ADAM9: variants seen among roughly 807,000 people sequenced by gnomAD.
ADAM9 encodes ADAM metallopeptidase domain 9.
A neutral mutation model predicts 108.1 loss-of-function variants in ADAM9; 54 were observed. The observed-to-expected ratio is 0.50, with a 90% CI of 0.40 to 0.63. The LOEUF (loss-of-function observed/expected upper bound fraction) is 0.63, where lower values mean the gene tolerates loss of function less well. Among genes scored for constraint, ADAM9 ranks in the 20% least tolerant of loss-of-function variants. ADAM9 has a pLI of 0.00. For synonymous variants in ADAM9, 316 were observed against 336.0 expected (o/e 0.94, Z 0.65); for missense variants, 830 against 997.7 (o/e 0.83, Z 2.26).
At chr8:39,052,324 T>C (rs998598251) in intron 12 of ADAM9, among the ~76,000 whole-genome samples, 5 of 152,154 alleles carry the variant, frequency 3.3e-5, no homozygotes, top group Non-Finnish European at 7.4e-5. Flanking sequence ...TTAAATCTTC[T>C]TTTAAATTGA....
chr8:39,079,674 T>TCCCA (rs1838959358), intron 16 of ADAM9, among the ~76,000 whole-genome samples: 1 of 150,668 alleles, frequency 6.6e-6, no homozygotes, highest in African/African-American at 2.4e-5. Context: ...AACCTCCGCC[T>TCCCA]CCCAGGCTCA....
At chr8:39,025,367 G>C (rs942598495) in intron 9 of ADAM9, among the ~76,000 whole-genome samples, 44 of 152,122 alleles carry the variant, frequency 2.9e-4, no homozygotes, top group African/African-American at 1.0e-3. Context: ...AAAGTACTGG[G>C]ATTACAGGCA....
intron 11 of ADAM9, among the ~76,000 whole-genome samples, chr8:39,032,879 C>T (rs114753258): frequency 1.4e-3 from 210 of 150,914 alleles, no homozygotes; most frequent in African/African-American, 4.7e-3. Context: ...CAACTTTGTT[C>T]TTCTTCTTTA....
At chr8:39,092,036 G>C (rs1254466621) in intron 20 of ADAM9, among the ~76,000 whole-genome samples, 1 of 152,180 alleles carries the variant, frequency 6.6e-6, no homozygotes, top group African/African-American at 2.4e-5. Context: ...CTGTAGGACT[G>C]ATAGTCACTG....
chr8:39,074,291 A>C (rs923865019), intron 15 of ADAM9, among the ~76,000 whole-genome samples: 9 of 152,152 alleles, frequency 5.9e-5, no homozygotes, highest in Admixed American at 5.9e-4. Flanking sequence ...CATAAGCCAA[A>C]TGTTTCCTTT....
rs747709519 is a variant in ADAM9 at position 39,091,289 on chromosome 8, T to C, written c.2241T>C (p.Ser747=). Residue 747 remains serine (S), a synonymous_variant, in exon 20 of 22, where the codon TCT becomes TCC. Transcript: ENST00000487273. Reference sequence around the variant, plus strand: ...ATGGCAAAAATCAAGCAAACCCTTCTAGACAGCCGGGGAGTGTTCCTCGAC... The same window carrying C: ...ATGGCAAAAATCAAGCAAACCCTTCCAGACAGCCGGGGAGTGTTCCTCGAC... ...ESDGKNQANP[S]RQPGSVPRHV... is the part of the protein sequence containing the mutation. The C allele has an allele frequency of 6.2e-7, 1 of 1,614,128 alleles. No individual in the cohort carries two copies.
intron 1 of ADAM9, among the ~76,000 whole-genome samples, chr8:39,003,184 T>C (rs751749249): frequency 6.6e-6 from 1 of 152,210 alleles, no homozygotes; most frequent in Non-Finnish European, 1.5e-5. Flanking sequence ...GAAAGAAAGT[T>C]ATATGTAATC....
intron 20 of ADAM9, among the ~76,000 whole-genome samples, chr8:39,092,329 T>TACACAC (rs935199001): frequency 1.7e-5 from 2 of 120,308 alleles, no homozygotes; most frequent in African/African-American, 7.8e-5. Context: ...TTAATATATT[T>TACACAC]ATACACACAC....
intron 8 of ADAM9, among the ~76,000 whole-genome samples, chr8:39,022,105 A>G (rs1836765263): frequency 6.6e-6 from 1 of 150,928 alleles, no homozygotes. Flanking sequence ...TGTGAGAGAG[A>G]GAGAGAGAGA....
chr8:39,054,718 A>G, intron 13 of ADAM9, 145 bp downstream of exon 13: 1 of 657,400 alleles, frequency 1.5e-6, no homozygotes, highest in Non-Finnish European at 2.6e-6. Context: ...CCACTTGTGT[A>G]TAATTTTAAA....
intron 14 of ADAM9, among the ~76,000 whole-genome samples, chr8:39,057,513 C>G (rs1490033069): frequency 6.6e-6 from 1 of 151,912 alleles, no homozygotes; most frequent in Non-Finnish European, 1.5e-5. Flanking sequence ...GTGGAAGCTG[C>G]TAAGTGTCAG....
intron 12 of ADAM9, among the ~76,000 whole-genome samples, chr8:39,051,073 C>G (rs1039783523): frequency 3.3e-5 from 5 of 152,062 alleles, no homozygotes; most frequent in African/African-American, 4.8e-5. Flanking sequence ...GGAGCTGTGG[C>G]AAGTGCCCAC....
chr8:39,071,103 T>G (rs543829664), intron 14 of ADAM9, among the ~76,000 whole-genome samples, 195 bp from the exon 15 acceptor site: 2 of 152,250 alleles, frequency 1.3e-5, no homozygotes, highest in Admixed American at 1.3e-4. Flanking sequence ...TTAAGATTTA[T>G]TTTTACATTT....
chr8:39,030,766 G>A (rs35108724), intron 11 of ADAM9, among the ~76,000 whole-genome samples: 6,363 of 152,318 alleles, frequency 0.042, 151 homozygotes, highest in Middle Eastern at 0.068. Flanking sequence ...ATTTGGTGTT[G>A]TCAGTGTTCT....
intron 7 of ADAM9, among the ~76,000 whole-genome samples, chr8:39,020,477 CA>C (rs1200972373): frequency 1.3e-5 from 2 of 152,020 alleles, no homozygotes; most frequent in African/African-American, 4.8e-5. Context: ...TAGCATAGAG[CA>C]AAATCATAAA....
intron 20 of ADAM9, among the ~76,000 whole-genome samples, chr8:39,093,666 T>G (rs1588432798): frequency 6.6e-6 from 1 of 152,240 alleles, no homozygotes; most frequent in South Asian, 2.1e-4. Flanking sequence ...GTCTTATTCC[T>G]GATCTTAGAG....
chr8:39,088,383 T>C (rs1839242295), intron 18 of ADAM9, among the ~76,000 whole-genome samples: 1 of 151,722 alleles, frequency 6.6e-6, no homozygotes, highest in South Asian at 2.1e-4. Flanking sequence ...GCCTCCCGAG[T>C]GGCTGGGACT....
chr8:39,055,899 C>T, intron 14 of ADAM9, 127 bp downstream of exon 14: 1 of 1,001,690 alleles, frequency 1.0e-6, no homozygotes, highest in Admixed American at 2.5e-5. Flanking sequence ...TATTTCCTTT[C>T]TTCTTTGGAG....
chr8:39,079,611 T>C (rs907040808), intron 16 of ADAM9, among the ~76,000 whole-genome samples: 3 of 151,786 alleles, frequency 2.0e-5, no homozygotes, highest in African/African-American at 7.3e-5. Flanking sequence ...TTTTTTTTTT[T>C]TGGAGCCTCA....
Sources: gnomAD v4.1 joint callset for allele counts (sites outside exome capture counted in the v4.1 genomes callset) on GRCh38, gnomAD v4.1.1 for gene constraint, MANE v1.5 for transcripts, NCBI Gene and HGNC (gene_info 2026-07-23, HGNC 2026-07-21) for gene names.